The following DZIP3 variants were observed in gnomAD, a reference collection of about 807,000 sequenced individuals.
The protein encoded by DZIP3 is DAZ interacting zinc finger protein 3, also known as E3 ubiquitin-protein ligase DZIP3.
DZIP3 carries 118 observed loss-of-function variants against 162.0 expected under a neutral mutation model. That is an observed-to-expected ratio of 0.73 (90% CI 0.63 to 0.85). The LOEUF is 0.85. DZIP3 is among the 40% of genes least tolerant of loss of function. The pLI is 0.00. For missense variants in DZIP3, 1,331 were observed against 1,407.0 expected (o/e 0.95, Z 0.86); for synonymous variants, 438 against 458.6 (o/e 0.96, Z 0.57).
At chr3:108,589,686 C>T (rs1939263631), upstream of DZIP3, 2 of 261,674 alleles carry the variant, frequency 7.6e-6, no homozygotes, top group Admixed American at 5.4e-5. Flanking sequence ...CGCGATTTCT[C>T]GGGAGAGGAA....
At position 108,693,830 on chromosome 3, in the gene DZIP3, G is replaced by A. The variant is rs1163136739; in HGVS notation, c.*477G>A. 1 of 152,122 alleles carries A rather than the reference G, an allele frequency of 6.6e-6. No individual in the cohort carries two copies. 9.4% of individuals were successfully genotyped at this position (152,122 alleles called of 1,614,324 possible). On this transcript the variant is annotated 3_prime_UTR_variant, in exon 33 of 33. Transcript: ENST00000361582. ...TTAAAAGTCTGTAATTTCAGTTTTT[G>A]TGTCGGGGAGAGGGAAAAACTATTT...
rs182068518 is a variant in DZIP3, at chr3:108,688,667, G to A, written c.3345G>A (p.Gln1115=). The part of the protein sequence containing the change: ...SHSPSQPDAA[Q]PPKPAWRPLT... The stretch of plus-strand genomic sequence containing the variant: ...CTCCATCACAGCCTGATGCTGCCCA[G>A]CCCCCAAAACCAGCCTGGAGGCCAC... Residue 1115 remains glutamine, a synonymous_variant, in exon 30 of 33, where the codon CAG becomes CAA. Coordinates refer to ENST00000361582, the MANE Select transcript of DZIP3 (RefSeq NM_014648.4). 115 of 1,614,104 alleles carry A rather than the reference G, an allele frequency of 7.1e-5. 1 individual carries two copies. In the East Asian group the frequency reaches 2.2e-3, roughly 31 times the overall value.
At chr3:108,628,840 C>T (rs535884866) in intron 7 of DZIP3, among the ~76,000 whole-genome samples, 3 of 152,294 alleles carry the variant, frequency 2.0e-5, no homozygotes, top group African/African-American at 7.2e-5. Flanking sequence ...GGCCCCCATA[C>T]TGTTCAAGCT....
chr3:108,612,042 A>G (rs946667081), intron 4 of DZIP3, among the ~76,000 whole-genome samples: 1 of 152,160 alleles, frequency 6.6e-6, no homozygotes, highest in Non-Finnish European at 1.5e-5. Context: ...TATTTGTATA[A>G]TAAATATTCT....
intron 17 of DZIP3, among the ~76,000 whole-genome samples, chr3:108,649,677 A>C (rs1942779607): frequency 6.6e-6 from 1 of 151,842 alleles, no homozygotes; most frequent in Non-Finnish European, 1.5e-5. Context: ...GCCCAACCAC[A>C]ATCTGGTGAG....
chr3:108,614,761 C>T (rs1940912089), intron 4 of DZIP3, among the ~76,000 whole-genome samples: 1 of 152,168 alleles, frequency 6.6e-6, no homozygotes, highest in Non-Finnish European at 1.5e-5. Flanking sequence ...CCAGTTGCCT[C>T]TTCCCTTGAG....
chr3:108,622,682 C>A (rs970703327), intron 5 of DZIP3, among the ~76,000 whole-genome samples: 12 of 152,106 alleles, frequency 7.9e-5, no homozygotes, highest in African/African-American at 2.9e-4. Context: ...GCTGCTATAT[C>A]TGCATTAGGG....
intron 26 of DZIP3, among the ~76,000 whole-genome samples, chr3:108,683,015 T>C (rs1196034732): frequency 6.6e-6 from 1 of 150,840 alleles, no homozygotes; most frequent in Non-Finnish European, 1.5e-5. Context: ...TTGACACATA[T>C]GTAAAAAATA....
chr3:108,623,069 C>T (rs943185124), intron 5 of DZIP3, among the ~76,000 whole-genome samples: 11 of 151,858 alleles, frequency 7.2e-5, no homozygotes, highest in South Asian at 4.2e-4. Flanking sequence ...CTGAGCAGTG[C>T]GTTTCTCTCT....
At chr3:108,640,293 T>C (rs549033091) in intron 12 of DZIP3, among the ~76,000 whole-genome samples, 1 of 150,452 alleles carries the variant, frequency 6.6e-6, no homozygotes, top group East Asian at 2.0e-4. Flanking sequence ...TATCAGTTAC[T>C]CAGGGAATGT....
chr3:108,614,585 C>A (rs1398681520), intron 4 of DZIP3, among the ~76,000 whole-genome samples: 3 of 152,176 alleles, frequency 2.0e-5, no homozygotes, highest in Non-Finnish European at 2.9e-5. Flanking sequence ...ATGCTCTGGA[C>A]AATTCTAGTT....
intron 8 of DZIP3, 101 bp from the exon 9 acceptor site, chr3:108,632,852 T>C (rs1216081624): frequency 3.4e-6 from 2 of 585,766 alleles, no homozygotes; most frequent in Non-Finnish European, 2.6e-6. Context: ...AAAAGGGATA[T>C]GATATGGACA....
chr3:108,603,256 G>A (rs1291929502), intron 1 of DZIP3: 1 of 152,144 alleles, frequency 6.6e-6, no homozygotes, highest in Non-Finnish European at 1.5e-5. Flanking sequence ...TGCCTTAACT[G>A]TTGTTACTTT....
chr3:108,637,809 T>C (rs41267021), intron 12 of DZIP3, among the ~76,000 whole-genome samples: 11 of 152,274 alleles, frequency 7.2e-5, no homozygotes, highest in Non-Finnish European at 1.5e-4. Context: ...AACAAACATA[T>C]TTTTCTTAAA....
chr3:108,663,328 G>T (rs1003089610), intron 21 of DZIP3, among the ~76,000 whole-genome samples: 1 of 151,998 alleles, frequency 6.6e-6, no homozygotes, highest in Non-Finnish European at 1.5e-5. Flanking sequence ...AGGCTGAGGC[G>T]GGTGGATCAC....
intron 17 of DZIP3, among the ~76,000 whole-genome samples, chr3:108,649,849 T>C (rs942644346): frequency 1.3e-5 from 2 of 151,864 alleles, no homozygotes. Flanking sequence ...TTAACAATCA[T>C]TTGTTATAAC....
chr3:108,649,843 C>T (rs911479022), intron 17 of DZIP3, among the ~76,000 whole-genome samples: 4 of 151,666 alleles, frequency 2.6e-5, no homozygotes, highest in African/African-American at 9.7e-5. Context: ...TTATATTTAA[C>T]AATCATTTGT....
chr3:108,690,974 T>C, intron 32 of DZIP3, 71 bp downstream of exon 32: 1 of 1,302,172 alleles, frequency 7.7e-7, no homozygotes, highest in Non-Finnish European at 1.1e-6. Context: ...GGTGTAAAAC[T>C]ATGTGCTCTT....
intron 21 of DZIP3, among the ~76,000 whole-genome samples, chr3:108,667,510 T>C (rs1176265243): frequency 6.6e-6 from 1 of 152,038 alleles, no homozygotes; most frequent in Non-Finnish European, 1.5e-5. Context: ...AGGGAAGTGG[T>C]TGTGGCTTTA....
Sources: allele counts gnomAD v4.1 joint callset (sites outside exome capture counted in the v4.1 genomes callset), GRCh38; gene constraint gnomAD v4.1.1; transcripts MANE v1.5; gene names NCBI Gene and HGNC (gene_info 2026-07-23, HGNC 2026-07-21).